Variants in PCYT1B observed in about 807,000 individuals in gnomAD.
The protein encoded by PCYT1B is choline-phosphate cytidylyltransferase B.
In PCYT1B, 10 loss-of-function variants were observed where a neutral mutation model predicts 26.4. The observed-to-expected ratio is 0.38, with a 90% CI of 0.23 to 0.64. The LOEUF is 0.64. Among genes scored for constraint, PCYT1B ranks in the 30% least tolerant of loss-of-function variants. PCYT1B has a pLI of 0.56. For synonymous variants in PCYT1B, 131 were observed against 108.4 expected (o/e 1.21, Z -1.29); for missense variants, 161 against 292.7 (o/e 0.55, Z 3.28).
At chrX:24,646,173 C>G (rs147001891) in intron 1 of PCYT1B, among the ~76,000 whole-genome samples, 2,341 of 111,363 alleles carry the variant, frequency 0.021, 28 homozygotes, top group Non-Finnish European at 0.029. Flanking sequence ...TTTTTGATTC[C>G]TTGAGGACAC....
At chrX:24,572,819 C>T in intron 7 of PCYT1B, among the ~76,000 whole-genome samples, 1 of 108,331 alleles carries the variant, frequency 9.2e-6, no homozygotes, top group Non-Finnish European at 1.9e-5. Flanking sequence ...TAAAAATCAC[C>T]TTGGCTTGCT....
intron 1 of PCYT1B, among the ~76,000 whole-genome samples, chrX:24,623,260 C>G (rs779351191): frequency 9.2e-6 from 1 of 108,672 alleles, no homozygotes; most frequent in South Asian, 4.0e-4. Context: ...GCATGAAAAT[C>G]ATAGAAACTA....
chrX:24,600,587 T>G (rs1468297142), intron 3 of PCYT1B, among the ~76,000 whole-genome samples: 2 of 110,687 alleles, frequency 1.8e-5, no homozygotes, highest in East Asian at 5.6e-4. Flanking sequence ...GGAGCTCAAG[T>G]AGGGCCTCAG....
chrX:24,610,219 T>G (rs1925267309), intron 2 of PCYT1B, among the ~76,000 whole-genome samples: 1 of 112,032 alleles, frequency 8.9e-6, no homozygotes, highest in Admixed American at 9.6e-5. Context: ...TATTTCTTGA[T>G]GCAATGCAAC....
intron 1 of PCYT1B, among the ~76,000 whole-genome samples, chrX:24,655,109 G>A (rs181739354): frequency 2.5e-4 from 28 of 112,245 alleles, no homozygotes; most frequent in Admixed American, 2.2e-3. Context: ...ATAACACTAT[G>A]AGACTGACAT....
chrX:24,592,206 T>C (rs1924591147), intron 3 of PCYT1B, among the ~76,000 whole-genome samples: 1 of 112,127 alleles, frequency 8.9e-6, no homozygotes, highest in Non-Finnish European at 1.9e-5. Flanking sequence ...GCAACATGGA[T>C]GGATCTGGAG....
intron 1 of PCYT1B, among the ~76,000 whole-genome samples, chrX:24,628,980 T>G (rs1243434531): frequency 8.9e-6 from 1 of 112,033 alleles, no homozygotes; most frequent in African/African-American, 3.2e-5. Context: ...CTGTATCATT[T>G]ATACTCACAT....
upstream of PCYT1B, among the ~76,000 whole-genome samples, chrX:24,649,277 C>T (rs1289849819): frequency 9.0e-6 from 1 of 111,629 alleles, no homozygotes; most frequent in Non-Finnish European, 1.9e-5. Context: ...ATTCTAATCT[C>T]AATATATGTA....
At chrX:24,572,918 T>TTATATATATATATA (rs371692891) in intron 7 of PCYT1B, among the ~76,000 whole-genome samples, 55 of 96,298 alleles carry the variant, frequency 5.7e-4, no homozygotes, top group African/African-American at 2.0e-3. Flanking sequence ...TTTCATCAAA[T>TTATATATATATATA]TATATATATA....
rs967827765 is a variant in PCYT1B, at chrX:24,566,468, T to C, written c.898-3963A>G. Among the ~76,000 whole-genome samples, 26 of 112,107 alleles carry C rather than the reference T, an allele frequency of 2.3e-4. No individual in the cohort carries two copies. In the Admixed American group the frequency reaches 2.5e-3, roughly 11 times the overall value. ...TAGAAGGAATGTACATATACGGAGA[T>C]GGGAAACAGATGGGAGTGATAACCC... is the stretch of plus-strand genomic sequence containing the variant. On this transcript the variant is annotated intron_variant, in intron 7 of 7. Transcript: ENST00000379144.
chrX:24,629,041 T>C (rs759509798), intron 1 of PCYT1B, among the ~76,000 whole-genome samples: 37 of 112,289 alleles, frequency 3.3e-4, no homozygotes, highest in African/African-American at 1.2e-3. Flanking sequence ...GCATTGAGTA[T>C]TACCTTTGTC....
At chrX:24,566,641 T>C (rs1882402) in intron 7 of PCYT1B, among the ~76,000 whole-genome samples, 7,223 of 111,360 alleles carry the variant, frequency 0.065, 259 homozygotes, top group Middle Eastern at 0.11. Context: ...ATGTAACCCA[T>C]GCAAGGAGAT....
In PCYT1B at chrX:24,561,698, C is replaced by G. The variant is rs1203725119; in HGVS notation, c.*595G>C. 1 of 165,018 alleles carries G rather than the reference C, an allele frequency of 6.1e-6. No homozygotes were observed. The highest frequency in any genetic ancestry group is 1.1e-5 in the Non-Finnish European group (1 of 87,545). The allele number at this position is 165,018 out of a possible 1,213,427, so 13.6% of individuals were successfully genotyped here. On this transcript the variant is annotated 3_prime_UTR_variant, in exon 8 of 8. Coordinates refer to ENST00000379144, the MANE Select transcript of PCYT1B (RefSeq NM_004845.5). ...TTCACACTAGATGACCTTTTATAACCAGCCTAAAGCAAGGCTTTGTCTATG... is the reference window on the plus strand; with the variant it reads ...TTCACACTAGATGACCTTTTATAACGAGCCTAAAGCAAGGCTTTGTCTATG...
At chrX:24,655,264 G>A (rs1347808154) in intron 1 of PCYT1B, among the ~76,000 whole-genome samples, 5 of 111,951 alleles carry the variant, frequency 4.5e-5, no homozygotes, top group African/African-American at 1.6e-4. Flanking sequence ...ACCAAACCAC[G>A]CTGCCTCATT....
At chrX:24,611,607 G>A (rs1925311250) in intron 2 of PCYT1B, among the ~76,000 whole-genome samples, 1 of 111,676 alleles carries the variant, frequency 9.0e-6, no homozygotes, top group African/African-American at 3.3e-5. Flanking sequence ...TGTGGGACCT[G>A]TAACTTGCTT....
At chrX:24,574,097 ACAACCCGT>A (rs1361578195) in intron 7 of PCYT1B, among the ~76,000 whole-genome samples, 1 of 111,824 alleles carries the variant, frequency 8.9e-6, no homozygotes, top group African/African-American at 3.2e-5. Context: ...GGTAGCAGTG[ACAACCCGT>A]CAATAAAATA....
rs751930893 is a variant in PCYT1B at position 24,562,135 on chromosome X, G to C, written c.*158C>G. 1.7e-6 allele frequency: 2 copies of C among 1,208,681 alleles called. No individual in the cohort carries two copies. The highest frequency in any genetic ancestry group is 1.7e-5 in the African/African-American group (1 of 57,180). ...CTCTTCAGCTGTACGGAGAGTGAGA[G>C]AGAACTGGTCCCAAGACCTTCCCTT... On this transcript the variant is annotated 3_prime_UTR_variant, in exon 8 of 8. Transcript: ENST00000379144.
chrX:24,622,572 A>T (rs974908247), intron 1 of PCYT1B, among the ~76,000 whole-genome samples: 2 of 112,451 alleles, frequency 1.8e-5, no homozygotes, highest in African/African-American at 6.5e-5. Flanking sequence ...CTAAGGCCTG[A>T]TAACATAAGG....
At chrX:24,588,648 G>A (rs1924449620) in intron 4 of PCYT1B, among the ~76,000 whole-genome samples, 1 of 111,732 alleles carries the variant, frequency 8.9e-6, no homozygotes, top group South Asian at 3.8e-4. Flanking sequence ...CTCAAGCTCA[G>A]TACTAGTGAC....
Sources: allele counts gnomAD v4.1 joint callset (sites outside exome capture counted in the v4.1 genomes callset), GRCh38; gene constraint gnomAD v4.1.1; transcripts MANE v1.5; gene names NCBI Gene and HGNC (gene_info 2026-07-23, HGNC 2026-07-21).